EPHB1: variants seen among roughly 807,000 people sequenced by gnomAD.
The protein encoded by EPHB1 is EPH receptor B1.
A neutral mutation model predicts 94.4 loss-of-function variants in EPHB1; 30 were observed. The ratio of observed to expected loss-of-function variants is 0.32; its 90% CI spans 0.24 to 0.43. The LOEUF is 0.43. EPHB1 is among the 20% of genes least tolerant of loss of function. The pLI, the probability that EPHB1 is intolerant of heterozygous loss-of-function variation, is 1.00. For synonymous variants in EPHB1, 522 were observed against 489.1 expected (o/e 1.07, Z -0.89); for missense variants, 1,055 against 1,308.3 (o/e 0.81, Z 2.99).
At chr3:135,006,441 G>A (rs903000655) in intron 3 of EPHB1, among the ~76,000 whole-genome samples, 1 of 152,174 alleles carries the variant, frequency 6.6e-6, no homozygotes, top group African/African-American at 2.4e-5. Context: ...ATGCAACTAA[G>A]TTATATTCTT....
chr3:134,848,216 T>C (rs1230629173), intron 1 of EPHB1, among the ~76,000 whole-genome samples: 1 of 152,168 alleles, frequency 6.6e-6, no homozygotes, highest in African/African-American at 2.4e-5. Context: ...AGGGGTTGTC[T>C]GCTCCCTGGA....
chr3:135,241,284 T>C lies in EPHB1; in HGVS notation c.2483T>C (p.Met828Thr), dbSNP rs1204410458. Reference sequence around the variant, plus strand: ...TTTGGAGAGAGACCCTATTGGGATATGTCCAACCAAGATGTGAGTGTCAGC... The same window carrying C: ...TTTGGAGAGAGACCCTATTGGGATACGTCCAACCAAGATGTGAGTGTCAGC... ...MSFGERPYWD[M>T]SNQDVINAIE... Residue 828 changes from methionine to threonine, a missense_variant, in exon 13 of 16, where the codon ATG (methionine) becomes ACG (threonine). Physicochemically the swap from Met to Thr is moderately conservative, Grantham distance 81. Coordinates refer to ENST00000398015, the MANE Select transcript of EPHB1 (RefSeq NM_004441.5). The C allele has an allele frequency of 2.5e-6, 4 of 1,614,202 alleles. No individual in the cohort carries two copies. The highest frequency in any genetic ancestry group is 8.5e-7 in the Non-Finnish European group (1 of 1,180,016).
chr3:134,931,713 A>G (rs1050056835), intron 2 of EPHB1, among the ~76,000 whole-genome samples: 1 of 152,176 alleles, frequency 6.6e-6, no homozygotes, highest in African/African-American at 2.4e-5. Context: ...GTGTGTATGT[A>G]TGTGTGCATA....
intron 3 of EPHB1, among the ~76,000 whole-genome samples, chr3:135,051,598 A>G (rs1363361130): frequency 6.6e-6 from 1 of 152,240 alleles, no homozygotes; most frequent in Non-Finnish European, 1.5e-5. Context: ...GGCATCTTTG[A>G]GAGCAACATG....
chr3:134,903,647 G>A (rs1299996731), intron 1 of EPHB1, among the ~76,000 whole-genome samples: 1 of 152,114 alleles, frequency 6.6e-6, no homozygotes, highest in East Asian at 1.9e-4. Context: ...GACTGTGTAC[G>A]CCTGGACCAG....
At chr3:134,933,657 G>A (rs1197072292) in intron 2 of EPHB1, among the ~76,000 whole-genome samples, 1 of 152,176 alleles carries the variant, frequency 6.6e-6, no homozygotes, top group African/African-American at 2.4e-5. Context: ...AAAGCACGGA[G>A]CAGCTGGTAA....
intron 3 of EPHB1, chr3:134,978,043 A>T (rs1559780134): frequency 1.1e-5 from 5 of 454,032 alleles, no homozygotes; most frequent in Non-Finnish European, 2.2e-5. Context: ...ACACTCACAC[A>T]GCCTCCTCTG....
At chr3:135,031,275 C>T (rs2084388) in intron 3 of EPHB1, among the ~76,000 whole-genome samples, 6,653 of 152,218 alleles carry the variant, frequency 0.044, 470 homozygotes, top group African/African-American at 0.15. Flanking sequence ...AATCCCTTCT[C>T]TCTTTTCTTC....
chr3:134,815,459 T>C (rs1292776642), intron 1 of EPHB1, among the ~76,000 whole-genome samples: 1 of 152,042 alleles, frequency 6.6e-6, no homozygotes, highest in Non-Finnish European at 1.5e-5. Flanking sequence ...ATAAAATATA[T>C]GTGGTGAGGA....
intron 3 of EPHB1, among the ~76,000 whole-genome samples, chr3:134,969,582 G>A (rs1933892794): frequency 2.0e-5 from 3 of 152,088 alleles, no homozygotes; most frequent in Admixed American, 1.3e-4. Context: ...AGCTCTGCTT[G>A]GGCTTCTTTT....
At chr3:135,257,808 C>G (rs1225881950) in intron 15 of EPHB1, among the ~76,000 whole-genome samples, 2 of 152,078 alleles carry the variant, frequency 1.3e-5, no homozygotes, top group Non-Finnish European at 1.5e-5. Flanking sequence ...GCCCCTCCCC[C>G]AGCCTGGCTG....
At chr3:134,989,382 GA>G (rs1934709846) in intron 3 of EPHB1, among the ~76,000 whole-genome samples, 1 of 152,174 alleles carries the variant, frequency 6.6e-6, no homozygotes, top group Non-Finnish European at 1.5e-5. Flanking sequence ...AAACGCTGTT[GA>G]TATTCTACTT....
chr3:135,064,842 G>A (rs1342620154), intron 3 of EPHB1, among the ~76,000 whole-genome samples: 1 of 151,930 alleles, frequency 6.6e-6, no homozygotes, highest in Admixed American at 6.6e-5. Flanking sequence ...AGGTATTTAG[G>A]GCTATGAACT....
At chr3:135,027,924 G>C (rs1936254984) in intron 3 of EPHB1, among the ~76,000 whole-genome samples, 1 of 140,932 alleles carries the variant, frequency 7.1e-6, no homozygotes. Flanking sequence ...TCTATTCAGA[G>C]ATTCAACTTC....
At chr3:135,224,343 C>T (rs549881945) in intron 12 of EPHB1, among the ~76,000 whole-genome samples, 1 of 152,306 alleles carries the variant, frequency 6.6e-6, no homozygotes, top group South Asian at 2.1e-4. Context: ...AGACATTCCT[C>T]ATTTGGCATA....
intron 1 of EPHB1, among the ~76,000 whole-genome samples, chr3:134,816,081 C>CT (rs2036264153): frequency 4.8e-4 from 1 of 2,094 alleles, no homozygotes; most frequent in African/African-American, 1.4e-3. Flanking sequence ...TTTTCTGTTT[C>CT]TGTTTTTTTT....
chr3:135,183,314 C>G (rs901479466), intron 10 of EPHB1, among the ~76,000 whole-genome samples: 1 of 140,948 alleles, frequency 7.1e-6, no homozygotes, highest in Non-Finnish European at 1.5e-5. Context: ...TAGTTGAACA[C>G]TTATAAGCAC....
At chr3:134,940,055 C>A (rs910681338) in intron 2 of EPHB1, among the ~76,000 whole-genome samples, 4 of 152,090 alleles carry the variant, frequency 2.6e-5, no homozygotes, top group Admixed American at 2.0e-4. Flanking sequence ...CAGAGGAAGC[C>A]CTGGAGATTC....
intron 4 of EPHB1, among the ~76,000 whole-genome samples, chr3:135,130,680 A>C (rs1336903870): frequency 6.6e-6 from 1 of 152,132 alleles, no homozygotes; most frequent in Non-Finnish European, 1.5e-5. Context: ...AGAGGGATGG[A>C]TGATCACTCT....
Sources: gnomAD v4.1 joint callset for allele counts (sites outside exome capture counted in the v4.1 genomes callset) on GRCh38, gnomAD v4.1.1 for gene constraint, MANE v1.5 for transcripts, NCBI Gene and HGNC (gene_info 2026-07-23, HGNC 2026-07-21) for gene names.